Variants in TENM1 observed in about 807,000 individuals in gnomAD.
TENM1 encodes teneurin transmembrane protein 1.
Under a neutral mutation model 174.8 loss-of-function variants are expected in TENM1, and 35 were observed. The ratio of observed to expected loss-of-function variants is 0.20; its 90% CI spans 0.15 to 0.27. TENM1 has a LOEUF of 0.27. Ranked by LOEUF, TENM1 falls within the 10% of genes least tolerant of loss-of-function variation. TENM1 has a pLI of 1.00. For missense variants in TENM1, 1,633 were observed against 2,130.1 expected (o/e 0.77, Z 4.59); for synonymous variants, 781 against 798.7 (o/e 0.98, Z 0.37).
In TENM1 at chrX:124,874,408, A is replaced by G. The variant is rs996032416; in HGVS notation, c.535+19888T>C. Reference sequence around the variant, plus strand: ...AAGAACCATTCTCATTTCCTTTACTATGGCATATATCAATTTTTTTCTATT... The same window carrying G: ...AAGAACCATTCTCATTTCCTTTACTGTGGCATATATCAATTTTTTTCTATT... On this transcript the variant is annotated intron_variant, in intron 3 of 31. Transcript: ENST00000422452. Among the ~76,000 whole-genome samples, 3 of 110,208 alleles carry G rather than the reference A, an allele frequency of 2.7e-5. No homozygotes were observed. In the Admixed American group the frequency reaches 2.9e-4, roughly 11 times the overall value.
intron 11 of TENM1, among the ~76,000 whole-genome samples, chrX:124,634,504 C>A (rs1264453318): frequency 9.0e-6 from 1 of 110,853 alleles, no homozygotes; most frequent in Non-Finnish European, 1.9e-5. Flanking sequence ...CCTTCAGTGG[C>A]ATGATGAATA....
chrX:124,626,456 C>G (rs747267039), intron 11 of TENM1, among the ~76,000 whole-genome samples: 63 of 111,366 alleles, frequency 5.7e-4, no homozygotes, highest in African/African-American at 2.1e-3. Flanking sequence ...CAACAGCCAC[C>G]ATAAAACTTG....
the TENM1 span, among the ~76,000 whole-genome samples, chrX:124,972,363 G>A: frequency 8.9e-6 from 1 of 111,873 alleles, no homozygotes; most frequent in Non-Finnish European, 1.9e-5. Context: ...GTTGATGAAT[G>A]TTACTCTAAA....
chrX:124,646,876 T>C, intron 8 of TENM1, 66 bp from the exon 12 acceptor site: 1 of 822,335 alleles, frequency 1.2e-6, no homozygotes, highest in Non-Finnish European at 1.7e-6. Context: ...CTTTATTTTT[T>C]TTTAAGTTGC....
intron 11 of TENM1, among the ~76,000 whole-genome samples, chrX:124,596,857 T>C (rs1206782546): frequency 9.0e-6 from 1 of 110,737 alleles, no homozygotes; most frequent in East Asian, 2.8e-4. Flanking sequence ...TCTTTGGATA[T>C]AATATAGAGA....
chrX:124,463,054 C>T (rs1483043129), intron 22 of TENM1, among the ~76,000 whole-genome samples: 1 of 111,937 alleles, frequency 8.9e-6, no homozygotes, highest in African/African-American at 3.3e-5. Flanking sequence ...TGGATAGCTA[C>T]AATGAATAGC....
At chrX:124,899,906 T>C (rs181634600) in intron 1 of TENM1, among the ~76,000 whole-genome samples, 8 of 112,196 alleles carry the variant, frequency 7.1e-5, no homozygotes, top group African/African-American at 9.7e-5. Flanking sequence ...ACAAGAAGTG[T>C]TGAGAAAGAA....
chrX:124,547,965 T>A (rs1448691092), intron 14 of TENM1, among the ~76,000 whole-genome samples: 2 of 111,799 alleles, frequency 1.8e-5, no homozygotes, highest in African/African-American at 3.3e-5. Flanking sequence ...GCCTCCCAAG[T>A]AGCTGGGACC....
intron 23 of TENM1, among the ~76,000 whole-genome samples, chrX:124,431,033 T>C (rs1265332943): frequency 8.9e-6 from 1 of 111,972 alleles, no homozygotes; most frequent in Non-Finnish European, 1.9e-5. Flanking sequence ...CCCCTCATAA[T>C]GTTTATAGTC....
chrX:124,629,042 C>A (rs1021343211), intron 11 of TENM1, among the ~76,000 whole-genome samples: 5 of 111,742 alleles, frequency 4.5e-5, no homozygotes, highest in African/African-American at 1.6e-4. Context: ...CTGAAGTCAC[C>A]ATACAAGCCC....
intron 5 of TENM1, among the ~76,000 whole-genome samples, chrX:124,683,111 C>A (rs1804396175): frequency 1.8e-5 from 2 of 111,749 alleles, no homozygotes; most frequent in Admixed American, 1.9e-4. Context: ...TGCAACTTTT[C>A]TGTAAGTCTA....
chrX:124,700,749 C>T (rs1026125049), intron 5 of TENM1, among the ~76,000 whole-genome samples: 11 of 111,571 alleles, frequency 9.9e-5, no homozygotes, highest in South Asian at 3.8e-4. Context: ...CAGCACATGC[C>T]ACAGTCCACT....
In TENM1 at chrX:124,808,865, T is replaced by C. The variant is rs981076350; in HGVS notation, c.536-71668A>G. 4.5e-5 allele frequency among the ~76,000 whole-genome samples: 5 copies of C among 111,466 alleles called. 1 individual carries two copies. Among genetic ancestry groups the C allele is most frequent in the Middle Eastern group, 9.4e-3 (2 of 213 alleles). ...TAAGAGGAAAGTTTATAGCAATTGA[T>C]AACTACATCAAAAAAGAAGAAAGAT... On this transcript the variant is annotated intron_variant, in intron 3 of 31. Transcript: ENST00000422452.
At chrX:124,766,479 C>T (rs1294090328) in intron 3 of TENM1, among the ~76,000 whole-genome samples, 8 of 111,282 alleles carry the variant, frequency 7.2e-5, no homozygotes, top group Non-Finnish European at 1.1e-4. Flanking sequence ...CTGTGGGAAA[C>T]GGTGAGAAAA....
At chrX:125,163,408 T>C in the TENM1 span, among the ~76,000 whole-genome samples, 278 of 110,964 alleles carry the variant, frequency 2.5e-3, no homozygotes, top group African/African-American at 8.7e-3. Context: ...TCAGTATAAC[T>C]ATTGTATTTA....
At chrX:125,087,904 G>T in the TENM1 span, among the ~76,000 whole-genome samples, 3 of 111,624 alleles carry the variant, frequency 2.7e-5, no homozygotes, top group Non-Finnish European at 5.7e-5. Context: ...CAAATAATTT[G>T]TGTAGATACT....
intron 25 of TENM1, among the ~76,000 whole-genome samples, chrX:124,414,188 T>C (rs1360086651): frequency 9.0e-6 from 1 of 111,404 alleles, no homozygotes; most frequent in Non-Finnish European, 1.9e-5. Context: ...AGACGAAGGA[T>C]CAAGAGATCA....
chrX:124,861,457 C>T (rs1215235377), intron 3 of TENM1, among the ~76,000 whole-genome samples: 1 of 111,498 alleles, frequency 9.0e-6, no homozygotes, highest in African/African-American at 3.3e-5. Context: ...CCTCAAACTC[C>T]GACATGATTC....
At chrX:124,575,788 C>T (rs778530712) in intron 11 of TENM1, among the ~76,000 whole-genome samples, 3 of 111,826 alleles carry the variant, frequency 2.7e-5, no homozygotes, top group Non-Finnish European at 5.6e-5. Flanking sequence ...TCCTTGCTTG[C>T]TAAATAAAAT....
Sources: gnomAD v4.1 joint callset for allele counts (sites outside exome capture counted in the v4.1 genomes callset) on GRCh38, gnomAD v4.1.1 for gene constraint, MANE v1.5 for transcripts, NCBI Gene and HGNC (gene_info 2026-07-23, HGNC 2026-07-21) for gene names.